ZBTB7C: variants seen among roughly 807,000 people sequenced by gnomAD.
ZBTB7C encodes zinc finger and BTB domain containing 7C.
A neutral mutation model predicts 25.7 loss-of-function variants in ZBTB7C; 8 were observed. The ratio of observed to expected loss-of-function variants is 0.31; its 90% CI spans 0.18 to 0.56. The LOEUF is 0.56. Among genes scored for constraint, ZBTB7C ranks in the 20% least tolerant of loss-of-function variants. The probability of loss-of-function intolerance (pLI) is 0.91; values close to 1 mark genes in which losing one functional copy is unlikely to be tolerated. For synonymous variants in ZBTB7C, 394 were observed against 369.0 expected (o/e 1.07, Z -0.78); for missense variants, 824 against 855.2 (o/e 0.96, Z 0.46).
chr18:48,156,344 G>A (rs2144920478), intron 3 of ZBTB7C, among the ~76,000 whole-genome samples: 1 of 152,060 alleles, frequency 6.6e-6, no homozygotes, highest in East Asian at 1.9e-4. Flanking sequence ...CCGCTTTTTT[G>A]TTCTTTAGGT....
chr18:48,171,339 T>G (rs2041472554), intron 3 of ZBTB7C, among the ~76,000 whole-genome samples: 1 of 152,214 alleles, frequency 6.6e-6, no homozygotes, highest in South Asian at 2.1e-4. Flanking sequence ...CATGCCACAC[T>G]GGGCACTCTT....
rs747841103 is a variant in ZBTB7C, at chr18:48,040,101, T to G, written c.1007A>C (p.Asn336Thr). Residue 336 changes from asparagine (N) to threonine (T), a missense_variant, in exon 4 of 5, where the codon AAC becomes ACC. Around this residue, in one of 4 missense-constraint regions of ZBTB7C, gnomAD observed 316 missense variants for 299.2 expected, o/e 1.06. Coordinates refer to ENST00000590800, the MANE Select transcript of ZBTB7C (RefSeq NM_001318841.2). ...KAENDYGAYL[N>T]FLSATHLGGL... is the part of the protein sequence containing the mutation. ...TCCCAGGTGGGTGGCACTCAGGAAGTTGAGATAGGCACCGTAGTCGTTCTC... is the reference window on the plus strand; with the variant it reads ...TCCCAGGTGGGTGGCACTCAGGAAGGTGAGATAGGCACCGTAGTCGTTCTC... 6.2e-7 allele frequency: 1 copy of G among 1,608,488 alleles called. No homozygotes were observed. Among genetic ancestry groups the G allele is most frequent in the African/African-American group, 1.3e-5 (1 of 74,848 alleles).
At chr18:48,372,698 C>G (rs916837693) in intron 1 of ZBTB7C, among the ~76,000 whole-genome samples, 7 of 152,166 alleles carry the variant, frequency 4.6e-5, no homozygotes, top group South Asian at 2.1e-4. Flanking sequence ...CGTTAATGGT[C>G]TGCCCAGCCT....
chr18:48,279,434 CT>C, intron 2 of ZBTB7C, among the ~76,000 whole-genome samples: 1 of 152,312 alleles, frequency 6.6e-6, no homozygotes, highest in Middle Eastern at 3.4e-3. Flanking sequence ...TCACATTTGG[CT>C]TTAGGCAGAT....
At chr18:48,178,755 C>A (rs1373141217) in intron 3 of ZBTB7C, among the ~76,000 whole-genome samples, 2 of 152,154 alleles carry the variant, frequency 1.3e-5, no homozygotes. Context: ...CATGTGGAAG[C>A]CTCTATCAGG....
chr18:48,184,464 G>A (rs770057732), intron 3 of ZBTB7C, among the ~76,000 whole-genome samples: 8 of 152,128 alleles, frequency 5.3e-5, no homozygotes, highest in Non-Finnish European at 1.0e-4. Context: ...CTGCAAAATG[G>A]GAATACTGGA....
chr18:48,342,830 C>T (rs1417470512), intron 1 of ZBTB7C, among the ~76,000 whole-genome samples: 2 of 152,138 alleles, frequency 1.3e-5, no homozygotes, highest in East Asian at 1.9e-4. Flanking sequence ...GAGGGAGGTG[C>T]TTTCAAGTGT....
chr18:48,049,328 C>A (rs966897026), intron 3 of ZBTB7C, among the ~76,000 whole-genome samples: 1 of 152,174 alleles, frequency 6.6e-6, no homozygotes, highest in Non-Finnish European at 1.5e-5. Context: ...TTGCATGGAT[C>A]TCGCCGAGTG....
At chr18:48,278,410 T>C (rs2044731843) in intron 2 of ZBTB7C, among the ~76,000 whole-genome samples, 1 of 151,716 alleles carries the variant, frequency 6.6e-6, no homozygotes, top group African/African-American at 2.4e-5. Flanking sequence ...AGAAAAGCTG[T>C]CTCCACAGAA....
At position 48,040,189 on chromosome 18, in the gene ZBTB7C, T is replaced by C. The variant is rs1486100386; in HGVS notation, c.919A>G (p.Asn307Asp). 2 of 1,574,918 alleles carry C rather than the reference T, an allele frequency of 1.3e-6. No homozygotes were observed. The highest frequency in any genetic ancestry group is 8.6e-7 in the Non-Finnish European group (1 of 1,162,286). ...LPPPPPPPFP[N>D]DFFKDMFPDL... Reference sequence around the variant, plus strand: ...GGGAACATGTCCTTGAAGAAGTCATTAGGGAAGGGTGGCGGTGGGGGTGGG... The same window carrying C: ...GGGAACATGTCCTTGAAGAAGTCATCAGGGAAGGGTGGCGGTGGGGGTGGG... The change falls in exon 4 of 5, where the codon AAT becomes GAT. Residue 307 changes from asparagine (N) to aspartate (D), a missense_variant. By Grantham distance (23) the Asn-to-Asp change is conservative. Coordinates refer to ENST00000590800, the MANE Select transcript of ZBTB7C (RefSeq NM_001318841.2).
intron 1 of ZBTB7C, among the ~76,000 whole-genome samples, chr18:48,391,478 T>C (rs544839237): frequency 2.0e-5 from 3 of 152,238 alleles, no homozygotes; most frequent in East Asian, 1.9e-4. Context: ...CATTGAATGT[T>C]TGATATGCAA....
intron 1 of ZBTB7C, among the ~76,000 whole-genome samples, chr18:48,340,226 A>G (rs973829961): frequency 1.3e-5 from 2 of 152,230 alleles, no homozygotes; most frequent in African/African-American, 4.8e-5. Flanking sequence ...CTTAGCAAGG[A>G]AAGGCAGGGC....
intron 1 of ZBTB7C, among the ~76,000 whole-genome samples, chr18:48,381,098 G>C (rs1429384530): frequency 6.6e-6 from 1 of 152,182 alleles, no homozygotes. Context: ...GTAGAATAAA[G>C]ATACTTGAAG....
intron 3 of ZBTB7C, among the ~76,000 whole-genome samples, chr18:48,062,093 A>C (rs2037148197): frequency 6.6e-6 from 1 of 152,230 alleles, no homozygotes; most frequent in Non-Finnish European, 1.5e-5. Flanking sequence ...AACATGAGAG[A>C]ATCTTATTTC....
At chr18:48,166,523 A>T (rs2041250535) in intron 3 of ZBTB7C, among the ~76,000 whole-genome samples, 1 of 152,144 alleles carries the variant, frequency 6.6e-6, no homozygotes, top group African/African-American at 2.4e-5. Context: ...GGGAGTCCCA[A>T]CATGAGTGAT....
At chr18:48,151,169 A>T (rs1296975565) in intron 3 of ZBTB7C, among the ~76,000 whole-genome samples, 1 of 152,104 alleles carries the variant, frequency 6.6e-6, no homozygotes, top group Non-Finnish European at 1.5e-5. Flanking sequence ...GAGCAGGAGG[A>T]GGTTTTCAAC....
chr18:48,046,594 T>A (rs947546356), intron 3 of ZBTB7C, among the ~76,000 whole-genome samples: 1 of 152,252 alleles, frequency 6.6e-6, no homozygotes, highest in Non-Finnish European at 1.5e-5. Flanking sequence ...CCACCATTCC[T>A]TAAACTTTAC....
intron 3 of ZBTB7C, among the ~76,000 whole-genome samples, chr18:48,154,186 C>T (rs1478136707): frequency 6.6e-6 from 1 of 152,136 alleles, no homozygotes; most frequent in African/African-American, 2.4e-5. Context: ...GACAGACAGG[C>T]GTGACCAGGG....
chr18:48,040,282 C>A lies in ZBTB7C; in HGVS notation c.826G>T (p.Asp276Tyr). 1 of 1,572,848 alleles carries A rather than the reference C, an allele frequency of 6.4e-7. No homozygotes were observed. The highest frequency in any genetic ancestry group is 8.6e-7 in the Non-Finnish European group (1 of 1,161,580). ...ATGACCAGATCCAGTGGCCCACTGTCCATGGGCTGCTCAGGCAGCTGGGCA... is the reference window on the plus strand; with the variant it reads ...ATGACCAGATCCAGTGGCCCACTGTACATGGGCTGCTCAGGCAGCTGGGCA... Reference protein sequence around the residue: ...AFAQLPEQPMDSGPLDLVIKN... With the variant: ...AFAQLPEQPMYSGPLDLVIKN... The change falls in exon 4 of 5, where the codon GAC (aspartate) becomes TAC (tyrosine). Residue 276 changes from aspartate (D) to tyrosine (Y), a missense_variant. Transcript: ENST00000590800.
Sources: gnomAD v4.1 joint callset for allele counts (sites outside exome capture counted in the v4.1 genomes callset) on GRCh38, gnomAD v4.1.1 for gene constraint, gnomAD v4.1.1 regional missense constraint, MANE v1.5 for transcripts, NCBI Gene and HGNC (gene_info 2026-07-23, HGNC 2026-07-21) for gene names.